IMPA2: variants seen among roughly 807,000 people sequenced by gnomAD.
IMPA2 encodes inositol monophosphatase 2, also known as IMP 2.
A neutral mutation model predicts 35.1 loss-of-function variants in IMPA2; 32 were observed. The observed-to-expected ratio is 0.91, with a 90% CI of 0.69 to 1.23. The LOEUF (loss-of-function observed/expected upper bound fraction) is 1.23. Among genes scored for constraint, IMPA2 ranks in the 50% most tolerant of loss-of-function variants. The pLI is 0.00. For missense variants in IMPA2, 334 were observed against 387.6 expected (o/e 0.86, Z 1.16); for synonymous variants, 135 against 160.6 (o/e 0.84, Z 1.20).
At chr18:12,007,628 C>CTTTTCT (rs374480021) in intron 2 of IMPA2, among the ~76,000 whole-genome samples, 3 of 116,674 alleles carry the variant, frequency 2.6e-5, no homozygotes, top group Admixed American at 9.5e-5. Context: ...CTTTTTCTTT[C>CTTTTCT]TTCTTTCTTT....
At chr18:12,003,276 G>T (rs143691723) in intron 2 of IMPA2, among the ~76,000 whole-genome samples, 37 of 152,238 alleles carry the variant, frequency 2.4e-4, no homozygotes, top group African/African-American at 6.3e-4. Flanking sequence ...TTAGGGCCTC[G>T]AACTCCTCAC....
chr18:11,987,369 C>T (rs189429384), intron 1 of IMPA2, among the ~76,000 whole-genome samples: 6 of 152,320 alleles, frequency 3.9e-5, no homozygotes, highest in African/African-American at 7.2e-5. Flanking sequence ...CTAGCTCTCT[C>T]GCTCAGGCTG....
At chr18:12,027,280 C>T (rs1400122639) in intron 5 of IMPA2, among the ~76,000 whole-genome samples, 1 of 152,298 alleles carries the variant, frequency 6.6e-6, no homozygotes, top group Admixed American at 6.5e-5. Context: ...ATCCCGGTCA[C>T]GTCCTGCCCT....
At position 11,991,846 on chromosome 18, in the gene IMPA2, A is replaced by ATT. The variant is rs11390149; in HGVS notation, c.97-7194_97-7193dup. On this transcript the variant is annotated intron_variant, in intron 1 of 7. Transcript: ENST00000269159. This position sits in a 1 kb window ranked among gnomAD's most constrained non-coding sequence, Gnocchi z 4.1. ...TGCCCTCGCAGAAACACCCAGAACA[A>ATT]TTTTTTTTTTTTTTTGAGATGGAGC... Among the ~76,000 whole-genome samples the ATT allele has an allele frequency of 0.2, 28,901 of 143,996 alleles. 4,459 individuals carry two copies. The highest frequency in any genetic ancestry group is 0.42 in the African/African-American group (16,572 of 39,254). The allele number at this position is 143,996 out of a possible 152,430, so 94.5% of individuals were successfully genotyped here. A position where few individuals can be genotyped will look rare whatever the true frequency, so the allele number is the denominator to read the frequency against.
At chr18:12,007,629 TTCTTTCTTTCTTTC>T (rs1907298067) in intron 2 of IMPA2, among the ~76,000 whole-genome samples, 1 of 4,450 alleles carries the variant, frequency 2.2e-4, no homozygotes, top group Non-Finnish European at 5.4e-4. Context: ...TTTTTCTTTC[TTCTTTCTTTCTTTC>T]TTTCTTTCTT....
chr18:12,023,118 T>A (rs76129192), intron 5 of IMPA2, among the ~76,000 whole-genome samples: 17,821 of 151,978 alleles, frequency 0.12, 1,524 homozygotes, highest in East Asian at 0.42. Flanking sequence ...TGATTTCATG[T>A]GGGAAAACGT....
chr18:11,998,208 A>T (rs531422187), intron 1 of IMPA2, among the ~76,000 whole-genome samples: 30 of 152,274 alleles, frequency 2.0e-4, no homozygotes, highest in Middle Eastern at 3.4e-3. Flanking sequence ...AAAGGAGAAG[A>T]AAGGCCTGGG....
chr18:12,016,684 G>T (rs1490121909), intron 5 of IMPA2, among the ~76,000 whole-genome samples: 2 of 152,166 alleles, frequency 1.3e-5, no homozygotes, highest in African/African-American at 4.8e-5. Context: ...CTCCCAGAGT[G>T]TTGGGCTTAC....
intron 1 of IMPA2, among the ~76,000 whole-genome samples, chr18:11,986,654 T>G (rs1906674129): frequency 6.6e-6 from 1 of 152,188 alleles, no homozygotes; most frequent in South Asian, 2.1e-4. Flanking sequence ...ATTTAATGAG[T>G]GACGTAACAC....
chr18:11,998,359 G>A (rs1331513868), intron 1 of IMPA2, among the ~76,000 whole-genome samples: 12 of 152,204 alleles, frequency 7.9e-5, no homozygotes, highest in Admixed American at 5.9e-4. Context: ...TTAGACCAGT[G>A]TGTTGGCAGC....
intron 4 of IMPA2, among the ~76,000 whole-genome samples, chr18:12,013,609 C>T (rs763796761): frequency 5.0e-4 from 76 of 152,168 alleles, no homozygotes; most frequent in Non-Finnish European, 8.7e-4. Flanking sequence ...GGTGAAAAGT[C>T]GGTAGAGGAA....
intron 5 of IMPA2, among the ~76,000 whole-genome samples, chr18:12,027,212 T>C (rs1035737829): frequency 1.3e-5 from 2 of 152,182 alleles, no homozygotes; most frequent in African/African-American, 4.8e-5. Flanking sequence ...TTTGGGTGTG[T>C]GGCACAACAA....
chr18:12,029,897 C>T (rs1478877357), intron 7 of IMPA2, among the ~76,000 whole-genome samples: 1 of 152,234 alleles, frequency 6.6e-6, no homozygotes, highest in Non-Finnish European at 1.5e-5. Context: ...CCCGCAGCAG[C>T]GGTGCACCCC....
chr18:12,023,900 T>A (rs975211403), intron 5 of IMPA2, among the ~76,000 whole-genome samples: 2 of 152,224 alleles, frequency 1.3e-5, no homozygotes, highest in Non-Finnish European at 2.9e-5. Flanking sequence ...GGCGTATGTA[T>A]AATTGATTCA....
Position 11,981,515 on chromosome 18 carries a change from C to T in IMPA2, c.-155C>T. On this transcript the variant is annotated 5_prime_UTR_variant, in exon 1 of 8. Transcript: ENST00000269159. ...TCCCGCGGCCCGCTGGCTGCCCTTC[C>T]CGCCAGCGCAGGTGTGGGACGGGCG... 2.2e-6 allele frequency: 1 copy of T among 453,184 alleles called. No individual in the cohort carries two copies. The highest frequency in any genetic ancestry group is 3.6e-6 in the Non-Finnish European group (1 of 279,382). The allele number at this position is 453,184 out of a possible 1,614,324, so 28.1% of individuals were successfully genotyped here.
intron 5 of IMPA2, among the ~76,000 whole-genome samples, chr18:12,024,308 ACT>A (rs1292103957): frequency 2.6e-5 from 4 of 152,172 alleles, no homozygotes; most frequent in Non-Finnish European, 5.9e-5. Flanking sequence ...ATATGGTGAA[ACT>A]CTGTCTCTAC....
intron 4 of IMPA2, among the ~76,000 whole-genome samples, chr18:12,013,187 C>T (rs1034034925): frequency 3.9e-5 from 6 of 152,132 alleles, no homozygotes; most frequent in African/African-American, 1.4e-4. Context: ...TATGTTACTA[C>T]ACTGAATACG....
intron 2 of IMPA2, chr18:12,008,592 G>A (rs1907344849): frequency 6.6e-6 from 3 of 456,382 alleles, no homozygotes; most frequent in Non-Finnish European, 8.8e-6. Flanking sequence ...CCTGCAGAAG[G>A]TGGGCTGCGA....
At chr18:12,015,308 C>T (rs1907548159) in intron 5 of IMPA2, among the ~76,000 whole-genome samples, 2 of 152,198 alleles carry the variant, frequency 1.3e-5, no homozygotes, top group Non-Finnish European at 2.9e-5. Context: ...CCCTCTTGAC[C>T]CACTTCCAGC....
Sources: gnomAD v4.1 joint callset for allele counts (sites outside exome capture counted in the v4.1 genomes callset) on GRCh38, gnomAD v4.1.1 for gene constraint, Gnocchi (gnomAD v3.1) non-coding constraint, MANE v1.5 for transcripts, NCBI Gene and HGNC (gene_info 2026-07-23, HGNC 2026-07-21) for gene names.